The following DSCAML1 variants were observed in gnomAD, a reference collection of about 807,000 sequenced individuals.
DSCAML1 encodes cell adhesion molecule DSCAML1.
DSCAML1 carries 38 observed loss-of-function variants against 200.5 expected under a neutral mutation model. The ratio of observed to expected loss-of-function variants is 0.19; its 90% CI spans 0.15 to 0.25. The LOEUF is 0.25. Among genes scored for constraint, DSCAML1 ranks in the 10% least tolerant of loss-of-function variants. DSCAML1 has a pLI of 1.00. For missense variants in DSCAML1, 2,223 were observed against 2,858.8 expected (o/e 0.78, Z 5.07); for synonymous variants, 1,215 against 1,165.0 (o/e 1.04, Z -0.87).
intron 20 of DSCAML1, among the ~76,000 whole-genome samples, 157 bp from the exon 21 acceptor site, chr11:117,444,196 C>T (rs1370564459): frequency 2.0e-5 from 3 of 152,174 alleles, no homozygotes; most frequent in East Asian, 1.9e-4. Context: ...AGAGATGCAG[C>T]GGACAGAGTG....
At chr11:117,726,940 G>T (rs1374304918) in intron 3 of DSCAML1, among the ~76,000 whole-genome samples, 2 of 152,108 alleles carry the variant, frequency 1.3e-5, no homozygotes, top group Non-Finnish European at 2.9e-5. Context: ...GCAGCACGTA[G>T]CCTACTGGGG....
intron 3 of DSCAML1, among the ~76,000 whole-genome samples, chr11:117,700,434 C>T (rs369010577): frequency 3.3e-5 from 5 of 152,324 alleles, no homozygotes; most frequent in East Asian, 1.9e-4. Flanking sequence ...CCCTGGGAAA[C>T]GGCCTTTGCT....
At chr11:117,578,052 T>C (rs1289519228) in intron 3 of DSCAML1, among the ~76,000 whole-genome samples, 1 of 151,180 alleles carries the variant, frequency 6.6e-6, no homozygotes, top group Non-Finnish European at 1.5e-5. Flanking sequence ...CTGACCAGCA[T>C]GGTGAAACCC....
intron 3 of DSCAML1, among the ~76,000 whole-genome samples, chr11:117,704,948 C>T (rs1436402145): frequency 3.9e-5 from 6 of 151,952 alleles, no homozygotes; most frequent in African/African-American, 9.7e-5. Flanking sequence ...AGGTGGGTGG[C>T]GAAGGCAGTG....
At chr11:117,678,432 A>T (rs548754685) in intron 3 of DSCAML1, among the ~76,000 whole-genome samples, 2 of 152,362 alleles carry the variant, frequency 1.3e-5, no homozygotes, top group African/African-American at 4.8e-5. Flanking sequence ...AATGGACAAA[A>T]TCTTTGCCCT....
chr11:117,567,276 T>A (rs893347759), intron 3 of DSCAML1, among the ~76,000 whole-genome samples: 1 of 152,132 alleles, frequency 6.6e-6, no homozygotes, highest in African/African-American at 2.4e-5. Context: ...CCATTCTAAC[T>A]GGTGTGAGAT....
chr11:117,712,632 G>A (rs921355115), intron 3 of DSCAML1, among the ~76,000 whole-genome samples: 6 of 152,060 alleles, frequency 3.9e-5, no homozygotes, highest in East Asian at 3.9e-4. Context: ...ATTAAAGCAC[G>A]CGCACGCCGA....
At chr11:117,630,211 C>A (rs566871391) in intron 3 of DSCAML1, among the ~76,000 whole-genome samples, 25 of 152,230 alleles carry the variant, frequency 1.6e-4, no homozygotes, top group Middle Eastern at 6.8e-3. Context: ...TTCTTTCGTA[C>A]AGTTCCCTCA....
At chr11:117,674,242 G>A (rs556182073) in intron 3 of DSCAML1, among the ~76,000 whole-genome samples, 1 of 152,338 alleles carries the variant, frequency 6.6e-6, no homozygotes, top group African/African-American at 2.4e-5. Context: ...GCTGTGGATA[G>A]CACCTGGGAC....
intron 11 of DSCAML1, among the ~76,000 whole-genome samples, chr11:117,490,976 TC>T (rs1398639209): frequency 6.6e-6 from 1 of 152,212 alleles, no homozygotes; most frequent in East Asian, 1.9e-4. Context: ...TGTCTTTGTC[TC>T]CTGGCCTCTT....
intron 3 of DSCAML1, among the ~76,000 whole-genome samples, chr11:117,556,439 G>C (rs1048551901): frequency 1.3e-5 from 2 of 152,168 alleles, no homozygotes; most frequent in Non-Finnish European, 2.9e-5. Flanking sequence ...CAGAGACAGA[G>C]AGAAAGAAAC....
intron 3 of DSCAML1, among the ~76,000 whole-genome samples, chr11:117,687,222 A>G (rs1328221581): frequency 1.3e-5 from 2 of 152,092 alleles, no homozygotes; most frequent in Non-Finnish European, 2.9e-5. Flanking sequence ...GGAGAAGTCA[A>G]GGGCTATTTG....
At chr11:117,631,673 C>T (rs2052176568) in intron 3 of DSCAML1, among the ~76,000 whole-genome samples, 1 of 152,222 alleles carries the variant, frequency 6.6e-6, no homozygotes, top group African/African-American at 2.4e-5. Flanking sequence ...TGCATGTGCA[C>T]ACACATGTGA....
intron 3 of DSCAML1, among the ~76,000 whole-genome samples, chr11:117,538,772 G>A (rs547498979): frequency 2.6e-5 from 4 of 151,262 alleles, no homozygotes; most frequent in Non-Finnish European, 4.4e-5. Context: ...TCAGGGAGGG[G>A]TGAGGGGGAG....
upstream of DSCAML1, among the ~76,000 whole-genome samples, chr11:117,797,743 G>A (rs777887851): frequency 2.3e-4 from 35 of 152,272 alleles, no homozygotes; most frequent in Admixed American, 3.3e-4. Flanking sequence ...AACCCCAGAT[G>A]AGTCCAGCCA....
chr11:117,439,924 A>G lies in DSCAML1; in HGVS notation c.3875T>C (p.Ile1292Thr). Residue 1292 changes from isoleucine to threonine, a missense_variant, in exon 22 of 33, where the codon ATC becomes ACC. Physicochemically the swap from Ile to Thr is moderately conservative, Grantham distance 89. Around this residue, in one of 7 missense-constraint regions of DSCAML1, gnomAD observed 614 missense variants for 739.1 expected, o/e 0.83. Coordinates refer to ENST00000651296, the MANE Select transcript of DSCAML1 (RefSeq NM_020693.4). ...IEPAGKAPAK[I>T]ISFGGTVTTP... ...TGTCACGGTGCCCCCAAAGGAGATG[A>G]TCTTTGCTGGGGCTACAGGGAGGAG... The G allele has an allele frequency of 6.2e-7, 1 of 1,614,016 alleles. No individual in the cohort carries two copies. Among genetic ancestry groups the G allele is most frequent in the Non-Finnish European group, 8.5e-7 (1 of 1,179,936 alleles).
At chr11:117,677,533 G>C (rs528498476) in intron 3 of DSCAML1, among the ~76,000 whole-genome samples, 218 of 152,146 alleles carry the variant, frequency 1.4e-3, no homozygotes, top group Non-Finnish European at 2.6e-3. Context: ...ATGAGGCATG[G>C]GTTCTGTGGC....
intron 3 of DSCAML1, among the ~76,000 whole-genome samples, chr11:117,759,764 A>G (rs1457092532): frequency 2.0e-5 from 3 of 152,066 alleles, no homozygotes; most frequent in Admixed American, 6.6e-5. Flanking sequence ...CAGCCCCATA[A>G]ATACTCCCAG....
At position 117,428,742 on chromosome 11, in the gene DSCAML1, T is replaced by C; in HGVS notation, c.5748A>G (p.Gly1916=). The change falls in exon 33 of 33, where the codon GGA becomes GGG. Residue 1916 remains glycine, a synonymous_variant. Coordinates refer to ENST00000651296, the MANE Select transcript of DSCAML1 (RefSeq NM_020693.4). ...GTGGGACCACGGGGCAGGGCTCACG[T>C]CCATCTGCCTTTCGAAAGAAGGCCT... The part of the protein sequence containing the change: ...KSEAFFRKAD[G]REPCPVVPPR... The C allele has an allele frequency of 2.5e-6, 4 of 1,612,780 alleles. No individual in the cohort carries two copies. Among genetic ancestry groups the C allele is most frequent in the Non-Finnish European group, 8.5e-7 (1 of 1,179,632 alleles).
Sources: gnomAD v4.1 joint callset for allele counts (sites outside exome capture counted in the v4.1 genomes callset) on GRCh38, gnomAD v4.1.1 for gene constraint, gnomAD v4.1.1 regional missense constraint, MANE v1.5 for transcripts, NCBI Gene and HGNC (gene_info 2026-07-23, HGNC 2026-07-21) for gene names.